The following CBFA2T3 variants were observed in gnomAD, a reference collection of about 807,000 sequenced individuals.
CBFA2T3 encodes the protein transcriptional corepressor CBFA2T3.
A neutral mutation model predicts 58.6 loss-of-function variants in CBFA2T3; 31 were observed. The observed-to-expected ratio is 0.53, with a 90% CI of 0.40 to 0.71. The LOEUF (loss-of-function observed/expected upper bound fraction) is 0.71. CBFA2T3 is among the 30% of genes least tolerant of loss of function. CBFA2T3 has a pLI of 0.00. For synonymous variants in CBFA2T3, 531 were observed against 421.9 expected (o/e 1.26, Z -3.17); for missense variants, 1,076 against 963.1 (o/e 1.12, Z -1.55).
intron 3 of CBFA2T3, among the ~76,000 whole-genome samples, chr16:88,892,880 C>G (rs551487502): frequency 1.1e-4 from 16 of 152,326 alleles, no homozygotes; most frequent in South Asian, 2.1e-4. Flanking sequence ...TGGCACCACT[C>G]TTGGGACTTG....
chr16:88,915,321 C>CT (rs2142714926), intron 1 of CBFA2T3, among the ~76,000 whole-genome samples: 1 of 123,646 alleles, frequency 8.1e-6, no homozygotes, highest in Non-Finnish European at 1.7e-5. Flanking sequence ...GTCTGCCTAT[C>CT]TGAGTGAATT....
chr16:88,884,184 T>A (rs2142548201), intron 7 of CBFA2T3: 1 of 152,398 alleles, frequency 6.6e-6, no homozygotes, highest in African/African-American at 2.4e-5. Context: ...CCAGACGCCG[T>A]CACCTGCTGC....
chr16:88,901,618 C>A lies in CBFA2T3; in HGVS notation c.190G>T (p.Asp64Tyr). ...DRKAKASAMPDSPAEVKTQPR... is the reference protein window; with the variant it reads ...DRKAKASAMPYSPAEVKTQPR... The stretch of plus-strand genomic sequence containing the variant: ...TGCGTCTTCACCTCCGCTGGGGAGT[C>A]CGGCATCGCTGAGGCCTTAGCTTTC... The change falls in exon 2 of 12, where the codon GAC becomes TAC. Residue 64 changes from aspartate (D) to tyrosine (Y), a missense_variant. Coordinates refer to ENST00000268679, the MANE Select transcript of CBFA2T3 (RefSeq NM_005187.6). 2 of 1,526,342 alleles carry A rather than the reference C, an allele frequency of 1.3e-6. No individual in the cohort carries two copies. Among genetic ancestry groups the A allele is most frequent in the Non-Finnish European group, 1.7e-6 (2 of 1,148,994 alleles). The allele number at this position is 1,526,342 out of a possible 1,614,324, so 94.5% of individuals were successfully genotyped here.
At chr16:88,976,012 C>T (rs960341704) in intron 1 of CBFA2T3, among the ~76,000 whole-genome samples, 4 of 152,348 alleles carry the variant, frequency 2.6e-5, no homozygotes, top group South Asian at 2.1e-4. Flanking sequence ...CCCCAGCGTC[C>T]GGGGATCCTT....
chr16:88,884,970 A>T, intron 7 of CBFA2T3, 76 bp downstream of exon 7: 2 of 1,140,126 alleles, frequency 1.8e-6, no homozygotes, highest in South Asian at 1.5e-5. Flanking sequence ...CTGTGCCCAC[A>T]TGCTCAGGTG....
intron 1 of CBFA2T3, among the ~76,000 whole-genome samples, chr16:88,949,839 C>T (rs561213156): frequency 1.7e-3 from 265 of 151,890 alleles, no homozygotes; most frequent in African/African-American, 6.0e-3. Context: ...GGCGAAACCC[C>T]GTCTCTACTA....
rs2142751866 is a variant in CBFA2T3 at position 88,926,190 on chromosome 16, T to A, written c.152-24534A>T. Among the ~76,000 whole-genome samples, 2 of 152,328 alleles carry A rather than the reference T, an allele frequency of 1.3e-5. 1 individual carries two copies. Among genetic ancestry groups the A allele is most frequent in the East Asian group, 3.9e-4 (2 of 5,178 alleles). The stretch of plus-strand genomic sequence containing the variant: ...GCAGAGCCGCAGCCGGGGGTACAAC[T>A]GGCTTCTGGGGCCGGGCTGCCGCCT... On this transcript the variant is annotated intron_variant, in intron 1 of 11. Coordinates refer to ENST00000268679, the MANE Select transcript of CBFA2T3 (RefSeq NM_005187.6).
chr16:88,965,476 T>A (rs989319535), intron 1 of CBFA2T3, among the ~76,000 whole-genome samples: 1 of 152,212 alleles, frequency 6.6e-6, no homozygotes, highest in African/African-American at 2.4e-5. Flanking sequence ...TTTAGAAGGA[T>A]ACTTGGTGCG....
intron 2 of CBFA2T3, among the ~76,000 whole-genome samples, chr16:88,898,673 T>G (rs565517302): frequency 2.0e-5 from 3 of 152,210 alleles, no homozygotes; most frequent in Admixed American, 2.0e-4. Context: ...GAGACTCGGC[T>G]TGGAGTCTCT....
chr16:88,899,302 C>A (rs537172056), intron 2 of CBFA2T3, among the ~76,000 whole-genome samples: 7 of 152,088 alleles, frequency 4.6e-5, no homozygotes, highest in Non-Finnish European at 8.8e-5. Flanking sequence ...GTGCGGCCAA[C>A]CACCTGGCTT....
rs146463996 is a variant in CBFA2T3 at position 88,875,467 on chromosome 16, G to A, written c.*1509C>T. ...AGCACCAGGGCTATGTACACGGTCAGGGTCTTCCCTGGGGAGGAGGCAGAG... is the reference window on the plus strand; with the variant it reads ...AGCACCAGGGCTATGTACACGGTCAAGGTCTTCCCTGGGGAGGAGGCAGAG... On this transcript the variant is annotated 3_prime_UTR_variant, in exon 12 of 12. Transcript: ENST00000268679. 0.014 allele frequency: 3,211 copies of A among 233,642 alleles called. 26 individuals carry two copies. Among genetic ancestry groups the A allele is most frequent in the East Asian group, 0.02 (325 of 16,562 alleles). 14.5% of individuals were successfully genotyped at this position (233,642 alleles called of 1,614,324 possible).
Position 88,878,656 on chromosome 16 carries a change from G to C in CBFA2T3, c.1662+614C>G, listed in dbSNP as rs572625397. On this transcript the variant is annotated intron_variant, in intron 11 of 11. Transcript: ENST00000268679. ...CCTGTTCTCACAGGCTAGAGAACACGGGTTTCAGGCCAGGCACAGCGGCTC... is the reference window on the plus strand; with the variant it reads ...CCTGTTCTCACAGGCTAGAGAACACCGGTTTCAGGCCAGGCACAGCGGCTC... 3.5e-4 allele frequency among the ~76,000 whole-genome samples: 53 copies of C among 152,294 alleles called. No homozygotes were observed. In the East Asian group the frequency reaches 8.3e-3, roughly 24 times the overall value.
At chr16:88,943,267 T>C (rs1971805297) in intron 1 of CBFA2T3, among the ~76,000 whole-genome samples, 1 of 152,202 alleles carries the variant, frequency 6.6e-6, no homozygotes, top group Non-Finnish European at 1.5e-5. Flanking sequence ...GAGCAGAAGC[T>C]GGCCTGGACC....
At position 88,886,108 on chromosome 16, in the gene CBFA2T3, T is replaced by C; in HGVS notation, c.746A>G (p.His249Arg). 1.9e-6 allele frequency: 3 copies of C among 1,564,274 alleles called. No homozygotes were observed. The highest frequency in any genetic ancestry group is 2.6e-6 in the Non-Finnish European group (3 of 1,161,524). Residue 249 changes from histidine (H) to arginine (R), a missense_variant, in exon 6 of 12, where the codon CAC (histidine) becomes CGC (arginine). His to Arg is a conservative substitution (Grantham distance 29, BLOSUM62 0). Transcript: ENST00000268679. ...CGTCTGCTTGGCCAGGCGTGCACAG[T>C]GCAGGAGCTCCCGCTGCAGCAAGGG... ...NLPLLQRELL[H>R]CARLAKQTPA...
chr16:88,966,333 C>G (rs1972502508), intron 1 of CBFA2T3, among the ~76,000 whole-genome samples: 3 of 152,194 alleles, frequency 2.0e-5, no homozygotes, highest in Admixed American at 2.0e-4. Flanking sequence ...GAGGCCTGTG[C>G]CGGGGTAGGG....
intron 8 of CBFA2T3, 52 bp downstream of exon 8, chr16:88,882,624 G>T: frequency 3.4e-6 from 4 of 1,180,016 alleles, no homozygotes; most frequent in African/African-American, 1.5e-5. Flanking sequence ...GTGTGTGCGT[G>T]GCTGTGCGCC....
At chr16:88,894,407 A>G (rs539934272) in intron 3 of CBFA2T3, among the ~76,000 whole-genome samples, 10 of 108,928 alleles carry the variant, frequency 9.2e-5, no homozygotes, top group East Asian at 3.7e-4. Flanking sequence ...ACACATGCAC[A>G]CACACATGCA....
chr16:88,890,861 T>C (rs1969602451), intron 5 of CBFA2T3, among the ~76,000 whole-genome samples: 1 of 152,178 alleles, frequency 6.6e-6, no homozygotes, highest in African/African-American at 2.4e-5. Context: ...GGATCATAGG[T>C]GCATACAACG....
At chr16:88,922,675 C>T (rs1291775171) in intron 1 of CBFA2T3, among the ~76,000 whole-genome samples, 3 of 152,236 alleles carry the variant, frequency 2.0e-5, no homozygotes, top group Admixed American at 6.5e-5. Context: ...TGTTCCTGGG[C>T]AAATCCCGCC....
Sources: gnomAD v4.1 joint callset for allele counts (sites outside exome capture counted in the v4.1 genomes callset) on GRCh38, gnomAD v4.1.1 for gene constraint, MANE v1.5 for transcripts, NCBI Gene and HGNC (gene_info 2026-07-23, HGNC 2026-07-21) for gene names.